CFAP99: variants seen among roughly 807,000 people sequenced by gnomAD.
The protein encoded by CFAP99 is cilia- and flagella-associated protein 99.
Under a neutral mutation model 82.7 loss-of-function variants are expected in CFAP99, and 84 were observed. That is an observed-to-expected ratio of 1.02 (90% CI 0.85 to 1.22). The LOEUF (loss-of-function observed/expected upper bound fraction) is 1.22, where lower values mean the gene tolerates loss of function less well. CFAP99 is among the 50% of genes most tolerant of loss of function. CFAP99 has a pLI of 0.00. For synonymous variants in CFAP99, 456 were observed against 429.5 expected (o/e 1.06, Z -0.76); for missense variants, 1,059 against 983.5 (o/e 1.08, Z -1.03).
At chr4:2,441,696 CA>C (rs1222660853) in intron 4 of CFAP99, among the ~76,000 whole-genome samples, 2 of 152,244 alleles carry the variant, frequency 1.3e-5, no homozygotes, top group Non-Finnish European at 2.9e-5. Context: ...CTCCATCCCA[CA>C]CCCCATGCCC....
Position 2,460,028 on chromosome 4 carries a change from A to T in CFAP99, c.1456-9A>T, listed in dbSNP as rs952121672. The T allele has an allele frequency of 6.5e-7, 1 of 1,535,396 alleles. No homozygotes were observed. The highest frequency in any genetic ancestry group is 1.4e-5 in the African/African-American group (1 of 73,038). On this transcript the variant is annotated splice_polypyrimidine_tract_variant and intron_variant, in intron 13 of 14. Transcript: ENST00000635017. ...CTCCCAGCTTGGGGCCTCCCCTACC[A>T]CCCCACAGATCCCCGGCTACGGCCT...
At chr4:2,459,198 C>T in exon 13 of CFAP99, 1 of 1,535,700 alleles carries the variant, frequency 6.5e-7, no homozygotes, top group Non-Finnish European at 8.7e-7. Context: ...AACTCATCTC[C>T]CAGCTGCGCG....
intron 11 of CFAP99, among the ~76,000 whole-genome samples, chr4:2,454,581 C>CTTTTTTTTTTTTGTTTTTTTTTTTTTTTT (rs1459688913): frequency 1.1e-5 from 1 of 94,722 alleles, no homozygotes; most frequent in African/African-American, 4.2e-5. Context: ...TGTTTTTTTT[C>CTTTTTTTTTTTTGTTTTTTTTTTTTTTTT]TTTTTTTTTT....
intron 2 of CFAP99, among the ~76,000 whole-genome samples, chr4:2,432,630 G>A (rs1443867669): frequency 6.6e-6 from 1 of 152,140 alleles, no homozygotes; most frequent in Non-Finnish European, 1.5e-5. Flanking sequence ...TGTGAGTCCA[G>A]CAGACAAGTG....
chr4:2,429,130 G>A (rs1278473986), intron 2 of CFAP99: 3 of 152,396 alleles, frequency 2.0e-5, no homozygotes, highest in East Asian at 1.9e-4. Flanking sequence ...AACATTCCAC[G>A]CGCTCCCCAC....
rs950074066 is a variant in CFAP99, at chr4:2,461,600, G to A, written c.1662-843G>A. Among the ~76,000 whole-genome samples the A allele has an allele frequency of 1.1e-4, 16 of 152,300 alleles. No homozygotes were observed. In the South Asian group the frequency reaches 3.3e-3, roughly 32 times the overall value. ...CCTGGCAGAGCTCAGACGCAGCCTG[G>A]TTGGTGTTAGGGTGCCTCCAAAGGT... is the stretch of plus-strand genomic sequence containing the variant. On this transcript the variant is annotated intron_variant, in intron 14 of 14. Coordinates refer to ENST00000635017, the Ensembl canonical transcript of CFAP99.
Position 2,462,535 on chromosome 4 carries a change from C to T in CFAP99, c.1754C>T (p.Ala585Val). Reference sequence around the variant, plus strand: ...CTGCGGCGCAGGATCTCGGAGAGGGCGGCCGAGCGCAGCAGGCAGGCGGCC... The same window carrying T: ...CTGCGGCGCAGGATCTCGGAGAGGGTGGCCGAGCGCAGCAGGCAGGCGGCC... Residue 585 changes from alanine (A) to valine (V), a missense_variant, in exon 15 of 15, where the codon GCG (alanine) becomes GTG (valine). Coordinates refer to ENST00000635017, the Ensembl canonical transcript of CFAP99. This position sits in a 1 kb window ranked among gnomAD's most constrained non-coding sequence, Gnocchi z 4.1. The T allele has an allele frequency of 1.4e-6, 2 of 1,470,042 alleles. No homozygotes were observed. Among genetic ancestry groups the T allele is most frequent in the Admixed American group, 2.4e-5 (1 of 40,996 alleles). 91.1% of individuals were successfully genotyped at this position (1,470,042 alleles called of 1,614,324 possible).
At chr4:2,420,637 G>C (rs556639478) in intron 1 of CFAP99, among the ~76,000 whole-genome samples, 1 of 152,188 alleles carries the variant, frequency 6.6e-6, no homozygotes, top group African/African-American at 2.4e-5. Flanking sequence ...TGGGGTATCA[G>C]TTAGGTTTAG....
chr4:2,446,036 T>G lies in CFAP99; in HGVS notation c.642+728T>G, dbSNP rs1432280904. Among the ~76,000 whole-genome samples, 1 of 152,196 alleles carries G rather than the reference T, an allele frequency of 6.6e-6. No homozygotes were observed. Among genetic ancestry groups the G allele is most frequent in the Non-Finnish European group, 1.5e-5 (1 of 68,024 alleles). The stretch of plus-strand genomic sequence containing the variant: ...CCCAAGCACCAGCAATGGACTGAGC[T>G]TCCCAGAACCAACGTGGTTCTGCAA... On this transcript the variant is annotated intron_variant, in intron 6 of 14. Transcript: ENST00000635017. The surrounding 1 kb of genome is among the most constrained non-coding windows in gnomAD (Gnocchi z 5.0).
At chr4:2,458,989 C>T (rs939803584) in intron 12 of CFAP99, 118 bp from the exon 13 acceptor site, 1 of 1,444,998 alleles carries the variant, frequency 6.9e-7, no homozygotes, top group African/African-American at 1.4e-5. Flanking sequence ...GGGAGGCACT[C>T]CCAGGTGGCC....
chr4:2,450,444 G>A (rs1010168012), intron 8 of CFAP99: 10 of 283,992 alleles, frequency 3.5e-5, no homozygotes, highest in Admixed American at 1.9e-4. Context: ...GGGCAGGCCC[G>A]GGCTGGGCAG....
chr4:2,443,428 C>G (rs547071066), intron 5 of CFAP99, among the ~76,000 whole-genome samples, 186 bp downstream of exon 5: 1 of 152,232 alleles, frequency 6.6e-6, no homozygotes, highest in African/African-American at 2.4e-5. Flanking sequence ...CCCACAGCCT[C>G]GCGGGGAGGA....
chr4:2,445,469 C>T (rs1734143837), intron 6 of CFAP99, among the ~76,000 whole-genome samples, 161 bp downstream of exon 6: 1 of 152,082 alleles, frequency 6.6e-6, no homozygotes, highest in African/African-American at 2.4e-5. Context: ...CACCCCCACT[C>T]CCCACAGAGA....
At chr4:2,447,500 G>T (rs2108728298) in intron 6 of CFAP99, among the ~76,000 whole-genome samples, 1 of 151,736 alleles carries the variant, frequency 6.6e-6, no homozygotes, top group East Asian at 1.9e-4. Flanking sequence ...TGAATGGATG[G>T]GTGGGTAGAT....
chr4:2,444,365 A>G (rs562703323), intron 5 of CFAP99, among the ~76,000 whole-genome samples: 22 of 152,130 alleles, frequency 1.4e-4, no homozygotes, highest in Admixed American at 8.5e-4. Flanking sequence ...CCTCTCCCCA[A>G]CCTGCCTCAA....
In CFAP99 at chr4:2,460,039, C is replaced by A. The variant is rs767648723; in HGVS notation, c.1458C>A (p.Ile486=). 35 of 1,535,632 alleles carry A rather than the reference C, an allele frequency of 2.3e-5. No individual in the cohort carries two copies. In the South Asian group the frequency reaches 3.7e-4, roughly 16 times the overall value. ...GGGCCTCCCCTACCACCCCACAGAT[C>A]CCCGGCTACGGCCTGGAAGGAGAGA... The change falls in exon 14 of 15, where the codon ATC becomes ATA. Residue 486 remains isoleucine (I), a splice_region_variant and synonymous_variant. Coordinates refer to ENST00000635017, the Ensembl canonical transcript of CFAP99.
At chr4:2,458,752 G>C in exon 12 of CFAP99, 2 of 1,535,624 alleles carry the variant, frequency 1.3e-6, no homozygotes, top group Middle Eastern at 1.8e-4. Flanking sequence ...AGCGTGCAGA[G>C]AGACGGCTCC....
intron 5 of CFAP99, among the ~76,000 whole-genome samples, chr4:2,444,805 G>A (rs3128843): frequency 0.76 from 115,729 of 152,120 alleles, 44,146 homozygotes; most frequent in Admixed American, 0.79. Flanking sequence ...CCTGGCTACT[G>A]CTTGTCCTCA....
At chr4:2,451,735 GCT>G in intron 10 of CFAP99, among the ~76,000 whole-genome samples, 1 of 8,968 alleles carries the variant, frequency 1.1e-4, no homozygotes, top group Non-Finnish European at 2.8e-4. Flanking sequence ...TGCAAGTCAG[GCT>G]GTGGGGGGAG....
Sources: allele counts gnomAD v4.1 joint callset (sites outside exome capture counted in the v4.1 genomes callset), GRCh38; gene constraint gnomAD v4.1.1; non-coding constraint Gnocchi (gnomAD v3.1); transcripts MANE v1.5; gene names NCBI Gene and HGNC (gene_info 2026-07-23, HGNC 2026-07-21).